The following TENM3 variants were observed in gnomAD, a reference collection of about 807,000 sequenced individuals.
TENM3 encodes the protein teneurin-3.
In TENM3, 63 loss-of-function variants were observed where a neutral mutation model predicts 255.1. The ratio of observed to expected loss-of-function variants is 0.25; its 90% CI spans 0.20 to 0.30. TENM3 has a LOEUF of 0.30. Ranked by LOEUF, TENM3 falls within the 10% of genes least tolerant of loss-of-function variation. TENM3 has a pLI of 1.00. For synonymous variants in TENM3, 1,306 were observed against 1,322.3 expected, an observed-to-expected ratio of 0.99 and a Z score of 0.27; for missense variants, 2,929 against 3,461.1, an observed-to-expected ratio of 0.85 and a Z score of 3.86.
At chr4:181,745,405 G>A in the TENM3 span, among the ~76,000 whole-genome samples, 41 of 152,236 alleles carry the variant, frequency 2.7e-4, no homozygotes, top group African/African-American at 8.2e-4. Context: ...AGCTGTAGAC[G>A]GAAGAAGGGA....
the TENM3 span, among the ~76,000 whole-genome samples, chr4:181,629,297 C>A: frequency 4.6e-5 from 7 of 152,148 alleles, no homozygotes; most frequent in Admixed American, 3.3e-4. Context: ...GCCAATTTGA[C>A]TTCCTCTTTT....
At chr4:182,145,305 G>A (rs913886694) in intron 1 of TENM3, 4 of 152,366 alleles carry the variant, frequency 2.6e-5, no homozygotes, top group African/African-American at 9.7e-5. Flanking sequence ...GCGAGGGGTA[G>A]CGTGGGGAGT....
chr4:182,772,022 T>TG (rs1224933718), intron 22 of TENM3, among the ~76,000 whole-genome samples: 1 of 152,180 alleles, frequency 6.6e-6, no homozygotes, highest in Non-Finnish European at 1.5e-5. Flanking sequence ...ACCGAATTAA[T>TG]GGGATCAGCT....
rs375747383 is a variant in TENM3, at chr4:182,329,480, T to C, written c.232+5228T>C. Among the ~76,000 whole-genome samples the C allele has an allele frequency of 3.3e-5, 5 of 152,162 alleles. 1 individual carries two copies. Among genetic ancestry groups the C allele is most frequent in the East Asian group, 3.9e-4 (2 of 5,186 alleles). ...ATAGTAGAGATGTTGGTCCCAGGAATCTAACACGATTTCCCGCTCTTTCTT... is the reference window on the plus strand; with the variant it reads ...ATAGTAGAGATGTTGGTCCCAGGAACCTAACACGATTTCCCGCTCTTTCTT... On this transcript the variant is annotated intron_variant, in intron 2 of 27. Transcript: ENST00000511685.
chr4:182,335,268 G>A (rs1764034713), intron 2 of TENM3, among the ~76,000 whole-genome samples: 1 of 141,432 alleles, frequency 7.1e-6, no homozygotes, highest in African/African-American at 2.6e-5. Flanking sequence ...GGAGGCTGAG[G>A]CGGGCGGATC....
the TENM3 span, among the ~76,000 whole-genome samples, chr4:181,825,140 C>T: frequency 3.9e-5 from 6 of 152,266 alleles, no homozygotes; most frequent in South Asian, 6.2e-4. Flanking sequence ...CGGTGGCTCA[C>T]GCCGATAATC....
the TENM3 span, among the ~76,000 whole-genome samples, chr4:181,691,628 G>C: frequency 6.6e-6 from 1 of 152,026 alleles, no homozygotes; most frequent in Non-Finnish European, 1.5e-5. Flanking sequence ...GATCTGCACC[G>C]TCAAAATTCT....
intron 22 of TENM3, among the ~76,000 whole-genome samples, chr4:182,761,595 T>C (rs1429392284): frequency 6.9e-6 from 1 of 145,794 alleles, no homozygotes; most frequent in Non-Finnish European, 1.5e-5. Context: ...TATAAGTATA[T>C]ATGTATACAC....
chr4:182,752,791 G>A (rs1762463165), intron 20 of TENM3, among the ~76,000 whole-genome samples: 1 of 152,108 alleles, frequency 6.6e-6, no homozygotes, highest in African/African-American at 2.4e-5. Flanking sequence ...TACTGTAAGG[G>A]AGCTGGAATG....
chr4:182,109,310 A>T, the TENM3 span, among the ~76,000 whole-genome samples: 1 of 149,576 alleles, frequency 6.7e-6, no homozygotes. Context: ...ATAATTTATA[A>T]TCACTACAGA....
the TENM3 span, among the ~76,000 whole-genome samples, chr4:181,993,602 C>CTA: frequency 6.6e-6 from 1 of 152,154 alleles, no homozygotes; most frequent in African/African-American, 2.4e-5. Context: ...TACCATGAAT[C>CTA]TATGCCAGTG....
intron 22 of TENM3, among the ~76,000 whole-genome samples, chr4:182,756,080 C>T (rs940028523): frequency 3.9e-5 from 6 of 152,326 alleles, no homozygotes; most frequent in African/African-American, 1.4e-4. Flanking sequence ...AAGCCTTTGG[C>T]TCTAGGTTTG....
chr4:181,940,819 G>A, the TENM3 span, among the ~76,000 whole-genome samples: 3 of 152,164 alleles, frequency 2.0e-5, no homozygotes, highest in African/African-American at 7.2e-5. Flanking sequence ...TGGAAATAGG[G>A]TAGAATTAGA....
the TENM3 span, among the ~76,000 whole-genome samples, chr4:181,737,204 C>T: frequency 1.3e-5 from 2 of 152,084 alleles, no homozygotes; most frequent in African/African-American, 2.4e-5. Context: ...TACAATTTAA[C>T]CCGAACTTCC....
At chr4:181,950,701 T>A in the TENM3 span, among the ~76,000 whole-genome samples, 1 of 152,164 alleles carries the variant, frequency 6.6e-6, no homozygotes, top group Non-Finnish European at 1.5e-5. Context: ...TGTGAATCCA[T>A]TTTCTCAACA....
chr4:182,713,944 C>T (rs185133148), intron 12 of TENM3, 143 bp from the exon 13 acceptor site: 288 of 634,984 alleles, frequency 4.5e-4, no homozygotes, highest in African/African-American at 4.5e-3. Context: ...CCATAGATAA[C>T]GTTGCTGTTT....
At chr4:182,448,087 T>C (rs1471239963) in intron 3 of TENM3, among the ~76,000 whole-genome samples, 1 of 152,224 alleles carries the variant, frequency 6.6e-6, no homozygotes, top group Non-Finnish European at 1.5e-5. Flanking sequence ...GGAGAGTGGC[T>C]CGGGCCACTT....
At chr4:182,205,601 G>A (rs745660180) in intron 1 of TENM3, among the ~76,000 whole-genome samples, 4 of 152,338 alleles carry the variant, frequency 2.6e-5, no homozygotes, top group Non-Finnish European at 4.4e-5. Context: ...AAATCACCGC[G>A]CCACATCTGG....
chr4:181,823,276 G>A, the TENM3 span, among the ~76,000 whole-genome samples: 1 of 152,000 alleles, frequency 6.6e-6, no homozygotes, highest in Non-Finnish European at 1.5e-5. Flanking sequence ...TTTTTTCCAG[G>A]ATAGACCTTA....
Sources: allele counts gnomAD v4.1 joint callset (sites outside exome capture counted in the v4.1 genomes callset), GRCh38; gene constraint gnomAD v4.1.1; transcripts MANE v1.5; gene names NCBI Gene and HGNC (gene_info 2026-07-23, HGNC 2026-07-21).